NPAS3: variants seen among roughly 807,000 people sequenced by gnomAD.
NPAS3 encodes neuronal PAS domain-containing protein 3.
NPAS3 carries 14 observed loss-of-function variants against 73.1 expected under a neutral mutation model. That is an observed-to-expected ratio of 0.19 (90% CI 0.13 to 0.30). The LOEUF (loss-of-function observed/expected upper bound fraction) is 0.30. Ranked by LOEUF, NPAS3 falls within the 10% of genes least tolerant of loss-of-function variation. NPAS3 has a pLI of 1.00. For missense variants in NPAS3, 1,096 were observed against 1,250.0 expected, an observed-to-expected ratio of 0.88 and a Z score of 1.86; for synonymous variants, 620 against 541.5, an observed-to-expected ratio of 1.14 and a Z score of -2.01.
At chr14:32,947,529 T>A (rs77023548) in intron 1 of NPAS3, among the ~76,000 whole-genome samples, 2,752 of 152,284 alleles carry the variant, frequency 0.018, 39 homozygotes, top group Admixed American at 0.031. Context: ...TGAATTTTTT[T>A]AATTATACAA....
At chr14:33,247,106 C>T (rs1036992910) in intron 3 of NPAS3, among the ~76,000 whole-genome samples, 3 of 152,090 alleles carry the variant, frequency 2.0e-5, no homozygotes, top group African/African-American at 7.2e-5. Flanking sequence ...TTTGTGCAAA[C>T]TTCCTTACAT....
intron 4 of NPAS3, among the ~76,000 whole-genome samples, chr14:33,470,257 A>C (rs1288260864): frequency 6.6e-6 from 1 of 152,234 alleles, no homozygotes; most frequent in Non-Finnish European, 1.5e-5. Flanking sequence ...GAAAGGGAAC[A>C]TAGATCCTAC....
intron 4 of NPAS3, among the ~76,000 whole-genome samples, chr14:33,392,902 A>G (rs780754982): frequency 1.3e-5 from 2 of 151,984 alleles, no homozygotes; most frequent in African/African-American, 2.4e-5. Flanking sequence ...AGCAGAGGTG[A>G]TCCTCTCATG....
intron 5 of NPAS3, among the ~76,000 whole-genome samples, chr14:33,579,715 A>G (rs1416364405): frequency 6.6e-6 from 1 of 152,174 alleles, no homozygotes; most frequent in African/African-American, 2.4e-5. Flanking sequence ...AATAAAAAGA[A>G]GAGCAAGTTC....
At chr14:33,633,066 A>G (rs1487693902) in intron 5 of NPAS3, among the ~76,000 whole-genome samples, 1 of 152,248 alleles carries the variant, frequency 6.6e-6, no homozygotes, top group African/African-American at 2.4e-5. Flanking sequence ...ACAATACAGT[A>G]TAACAACTAT....
intron 2 of NPAS3, among the ~76,000 whole-genome samples, chr14:33,196,570 C>T (rs2046362648): frequency 6.6e-6 from 1 of 152,154 alleles, no homozygotes; most frequent in South Asian, 2.1e-4. Context: ...CGGGATAAGA[C>T]CCTCCTCACC....
intron 5 of NPAS3, among the ~76,000 whole-genome samples, chr14:33,628,587 T>G (rs2058287490): frequency 6.6e-6 from 1 of 152,246 alleles, no homozygotes; most frequent in Non-Finnish European, 1.5e-5. Flanking sequence ...ATATCATCTT[T>G]GTCTTTTTAT....
intron 7 of NPAS3, among the ~76,000 whole-genome samples, chr14:33,755,131 A>G (rs2062076680): frequency 6.6e-6 from 1 of 152,206 alleles, no homozygotes; most frequent in Admixed American, 6.5e-5. Flanking sequence ...TTGAAAGAGG[A>G]TAATAGTACC....
intron 6 of NPAS3, among the ~76,000 whole-genome samples, chr14:33,704,203 TAAC>T (rs1176793168): frequency 6.6e-6 from 1 of 152,236 alleles, no homozygotes; most frequent in East Asian, 1.9e-4. Context: ...AGTCATGTGA[TAAC>T]AAATTAGATG....
chr14:33,276,278 T>C (rs998104997), intron 3 of NPAS3, among the ~76,000 whole-genome samples: 3 of 152,088 alleles, frequency 2.0e-5, no homozygotes, highest in African/African-American at 7.2e-5. Context: ...AGGATGGGAA[T>C]GAATGCAGTT....
chr14:33,686,477 A>G (rs12587926), intron 6 of NPAS3, among the ~76,000 whole-genome samples: 64,017 of 152,000 alleles, frequency 0.42, 14,151 homozygotes, highest in East Asian at 0.86. Flanking sequence ...TGAGTACCCA[A>G]GAATTCCTGA....
intron 3 of NPAS3, among the ~76,000 whole-genome samples, chr14:33,306,555 G>C (rs1450179181): frequency 6.6e-6 from 1 of 152,186 alleles, no homozygotes; most frequent in Non-Finnish European, 1.5e-5. Flanking sequence ...TGAATTGTGG[G>C]AATGCATCAA....
At chr14:33,794,895 C>T (rs995982536) in intron 10 of NPAS3, among the ~76,000 whole-genome samples, 1 of 152,160 alleles carries the variant, frequency 6.6e-6, no homozygotes, top group Non-Finnish European at 1.5e-5. Flanking sequence ...CTCCCACCCC[C>T]ATCATTCTGG....
intron 4 of NPAS3, among the ~76,000 whole-genome samples, chr14:33,371,253 A>T (rs1355570533): frequency 6.6e-6 from 1 of 152,194 alleles, no homozygotes; most frequent in Non-Finnish European, 1.5e-5. Context: ...GGTTTTGTGG[A>T]TTGAAACAGT....
chr14:33,530,451 C>T (rs747803397), intron 4 of NPAS3, among the ~76,000 whole-genome samples: 13 of 152,222 alleles, frequency 8.5e-5, no homozygotes, highest in African/African-American at 2.4e-4. Context: ...TTTCAAGAGA[C>T]GTTTCACTTT....
At chr14:33,459,039 G>A (rs2139469889) in intron 4 of NPAS3, among the ~76,000 whole-genome samples, 1 of 152,316 alleles carries the variant, frequency 6.6e-6, no homozygotes, top group East Asian at 1.9e-4. Flanking sequence ...TAAACAAGGG[G>A]TGGATTATTC....
rs975689084 is a variant in NPAS3 at position 33,200,614 on chromosome 14, G to A, written c.141-14568G>A. Among the ~76,000 whole-genome samples the A allele has an allele frequency of 3.9e-5, 6 of 152,004 alleles. No individual in the cohort carries two copies. In the South Asian group the frequency reaches 6.2e-4, roughly 16 times the overall value. ...CACAGGAGAAATGAGAATCATAAGG[G>A]GCCTACAAAGAGTTTCATTTTTAAA... is the stretch of plus-strand genomic sequence containing the variant. On this transcript the variant is annotated intron_variant, in intron 2 of 11. Transcript: ENST00000356141.
intron 1 of NPAS3, among the ~76,000 whole-genome samples, chr14:33,031,568 C>T (rs903535996): frequency 7.9e-5 from 12 of 152,298 alleles, no homozygotes; most frequent in East Asian, 1.9e-4. Context: ...TCATGGTTCA[C>T]GGTAGCTTCC....
intron 4 of NPAS3, among the ~76,000 whole-genome samples, chr14:33,543,983 A>ATATATATC (rs2054650036): frequency 1.4e-4 from 5 of 36,660 alleles, no homozygotes; most frequent in African/African-American, 1.3e-3. Flanking sequence ...ATATATATAT[A>ATATATATC]TATATATATA....
Sources: gnomAD v4.1 joint callset for allele counts (sites outside exome capture counted in the v4.1 genomes callset) on GRCh38, gnomAD v4.1.1 for gene constraint, MANE v1.5 for transcripts, NCBI Gene and HGNC (gene_info 2026-07-23, HGNC 2026-07-21) for gene names.